ADAMTS19: variants seen among roughly 807,000 people sequenced by gnomAD.
ADAMTS19 encodes ADAM metallopeptidase with thrombospondin type 1 motif 19, also known as A disintegrin and metalloproteinase with thrombospondin motifs 19.
Under a neutral mutation model 153.3 loss-of-function variants are expected in ADAMTS19, and 93 were observed. The ratio of observed to expected loss-of-function variants is 0.61; its 90% CI spans 0.51 to 0.72. ADAMTS19 has a LOEUF of 0.72. Ranked by LOEUF, ADAMTS19 falls within the 30% of genes least tolerant of loss-of-function variation. The pLI, the probability that ADAMTS19 is intolerant of heterozygous loss-of-function variation, is 0.00. For missense variants in ADAMTS19, 1,482 were observed against 1,552.1 expected, an observed-to-expected ratio of 0.95 and a Z score of 0.76; for synonymous variants, 600 against 556.6, an observed-to-expected ratio of 1.08 and a Z score of -1.10.
At chr5:129,474,308 T>C (rs994376004) in intron 2 of ADAMTS19, among the ~76,000 whole-genome samples, 12 of 152,120 alleles carry the variant, frequency 7.9e-5, no homozygotes, top group Admixed American at 7.9e-4. Flanking sequence ...CATCAGTTGG[T>C]GGGCATTTGG....
At chr5:129,635,546 A>C (rs924805978) in intron 10 of ADAMTS19, among the ~76,000 whole-genome samples, 1 of 152,248 alleles carries the variant, frequency 6.6e-6, no homozygotes, top group African/African-American at 2.4e-5. Context: ...AAAATGTGGA[A>C]CATATACATC....
At chr5:129,624,389 C>T (rs30708) in intron 10 of ADAMTS19, among the ~76,000 whole-genome samples, 44,239 of 151,890 alleles carry the variant, frequency 0.29, 6,903 homozygotes, top group East Asian at 0.42. Flanking sequence ...TCACAATCCT[C>T]TTTCTTAAAT....
chr5:129,663,616 A>G (rs1753914207), intron 15 of ADAMTS19, among the ~76,000 whole-genome samples: 1 of 152,194 alleles, frequency 6.6e-6, no homozygotes, highest in Admixed American at 6.5e-5. Context: ...TCTACAGAGT[A>G]TCTTCTGGAT....
rs752421103 is a variant in ADAMTS19 at position 129,621,490 on chromosome 5, A to G, written c.1620-708A>G. On this transcript the variant is annotated intron_variant, in intron 9 of 22. Coordinates refer to ENST00000274487, the MANE Select transcript of ADAMTS19 (RefSeq NM_133638.6). ...ATTCACTTTTGTATATCCTTTAAATAGTTAAGCCCATTTTTCTATTAAATG... is the reference window on the plus strand; with the variant it reads ...ATTCACTTTTGTATATCCTTTAAATGGTTAAGCCCATTTTTCTATTAAATG... Among the ~76,000 whole-genome samples the G allele has an allele frequency of 2.6e-4, 39 of 152,296 alleles. 1 individual carries two copies. The highest frequency in any genetic ancestry group is 5.9e-4 in the Admixed American group (9 of 15,292).
chr5:129,662,888 A>ATTT lies in ADAMTS19; in HGVS notation c.2426-2589_2426-2587dup, dbSNP rs3049499. Among the ~76,000 whole-genome samples the ATTT allele has an allele frequency of 3.7e-3, 347 of 92,874 alleles. 3 individuals carry two copies. The highest frequency in any genetic ancestry group is 6.3e-3 in the East Asian group (19 of 3,002). 60.9% of individuals were successfully genotyped at this position (92,874 alleles called of 152,430 possible). ...CTCCTCCTTCTCATGATTCTTCTTC[A>ATTT]TTTTTTTTTTTTTTTTTTTTTTTTG... On this transcript the variant is annotated intron_variant, in intron 15 of 22. Coordinates refer to ENST00000274487, the MANE Select transcript of ADAMTS19 (RefSeq NM_133638.6).
rs1756747629 is a variant in ADAMTS19 at position 129,716,699 on chromosome 5, T to C, written c.3312+12308T>C. On this transcript the variant is annotated intron_variant, in intron 21 of 22. Transcript: ENST00000274487. Reference sequence around the variant, plus strand: ...TGCCTCAGTTGCTCTTAATTCCCAATATAATACCACAATCCCTTCCTATAT... The same window carrying C: ...TGCCTCAGTTGCTCTTAATTCCCAACATAATACCACAATCCCTTCCTATAT... 2.0e-5 allele frequency among the ~76,000 whole-genome samples: 3 copies of C among 151,694 alleles called. No individual in the cohort carries two copies. The South Asian group carries it at 6.3e-4, about 32-fold the overall frequency.
intron 11 of ADAMTS19, among the ~76,000 whole-genome samples, chr5:129,645,906 T>TTTTTTTTTTTTTTTTTTTTTTTTTAG (rs1753040450): frequency 8.4e-6 from 1 of 118,418 alleles, no homozygotes; most frequent in East Asian, 2.9e-4. Context: ...TTTTTTTTTT[T>TTTTTTTTTTTTTTTTTTTTTTTTTAG]GAGACGGAGT....
At chr5:129,520,721 A>G (rs1278575525) in intron 3 of ADAMTS19, among the ~76,000 whole-genome samples, 2 of 152,190 alleles carry the variant, frequency 1.3e-5, no homozygotes, top group Admixed American at 1.3e-4. Flanking sequence ...GTAGATACCC[A>G]TGATTCTGAG....
chr5:129,474,795 G>A (rs988399340), intron 2 of ADAMTS19, among the ~76,000 whole-genome samples: 5 of 152,004 alleles, frequency 3.3e-5, no homozygotes, highest in Middle Eastern at 3.2e-3. Flanking sequence ...GATGTGCAGC[G>A]GTATCTCATG....
At chr5:129,657,793 G>A (rs878858669) in intron 14 of ADAMTS19, among the ~76,000 whole-genome samples, 9 of 152,054 alleles carry the variant, frequency 5.9e-5, no homozygotes, top group Non-Finnish European at 1.3e-4. Context: ...TTACCATTTA[G>A]CACTTACTTT....
At chr5:129,462,716 AC>A (rs779378546) in intron 2 of ADAMTS19, among the ~76,000 whole-genome samples, 4 of 152,160 alleles carry the variant, frequency 2.6e-5, no homozygotes, top group African/African-American at 4.8e-5. Context: ...GTGCAACACC[AC>A]CATGTCCTTT....
At chr5:129,547,131 C>T (rs545610447) in intron 6 of ADAMTS19, among the ~76,000 whole-genome samples, 14 of 150,464 alleles carry the variant, frequency 9.3e-5, no homozygotes, top group African/African-American at 2.2e-4. Context: ...CTTGAGGGGG[C>T]GAGATTATCC....
intron 6 of ADAMTS19, among the ~76,000 whole-genome samples, chr5:129,543,123 C>T (rs1464655730): frequency 6.6e-6 from 1 of 151,002 alleles, no homozygotes; most frequent in Non-Finnish European, 1.5e-5. Context: ...GATCTTGGCT[C>T]ACCACAACCT....
intron 3 of ADAMTS19, among the ~76,000 whole-genome samples, chr5:129,525,875 T>C (rs942654170): frequency 6.6e-6 from 1 of 152,028 alleles, no homozygotes; most frequent in African/African-American, 2.4e-5. Context: ...TTCAGGCACT[T>C]CTTTCAACTA....
rs192269900 is a variant in ADAMTS19 at position 129,537,452 on chromosome 5, T to C, written c.1328+8775T>C. ...TATATACCCAAAGGATTTTAAATCATGCTGCTATAAAGACACATGCACACG... is the reference window on the plus strand; with the variant it reads ...TATATACCCAAAGGATTTTAAATCACGCTGCTATAAAGACACATGCACACG... On this transcript the variant is annotated intron_variant, in intron 6 of 22. Transcript: ENST00000274487. Among the ~76,000 whole-genome samples the C allele has an allele frequency of 7.4e-3, 1,128 of 152,302 alleles. 6 individuals carry two copies. Among genetic ancestry groups the C allele is most frequent in the South Asian group, 0.036 (173 of 4,820 alleles).
At chr5:129,734,659 A>G (rs551675307) in intron 21 of ADAMTS19, among the ~76,000 whole-genome samples, 51 of 152,054 alleles carry the variant, frequency 3.4e-4, no homozygotes, top group Admixed American at 1.2e-3. Context: ...CTTTCTCTTC[A>G]AGTCATACTG....
intron 7 of ADAMTS19, among the ~76,000 whole-genome samples, chr5:129,562,388 A>G (rs1753555412): frequency 6.6e-6 from 1 of 152,244 alleles, no homozygotes; most frequent in Admixed American, 6.5e-5. Flanking sequence ...GGCAGTGAAT[A>G]AAATGACTGA....
At chr5:129,671,040 A>G (rs1192003550) in intron 16 of ADAMTS19, among the ~76,000 whole-genome samples, 1 of 152,212 alleles carries the variant, frequency 6.6e-6, no homozygotes, top group Non-Finnish European at 1.5e-5. Context: ...CTGGAGATTA[A>G]ATCAATGTTG....
At chr5:129,686,464 A>G (rs1474323984) in intron 18 of ADAMTS19, among the ~76,000 whole-genome samples, 2 of 152,106 alleles carry the variant, frequency 1.3e-5, no homozygotes, top group Non-Finnish European at 2.9e-5. Context: ...ATAGAGGATG[A>G]TATCAGAAAA....
Sources: allele counts gnomAD v4.1 joint callset (sites outside exome capture counted in the v4.1 genomes callset), GRCh38; gene constraint gnomAD v4.1.1; transcripts MANE v1.5; gene names NCBI Gene and HGNC (gene_info 2026-07-23, HGNC 2026-07-21).